The following SEZ6L variants were observed in gnomAD, a reference collection of about 807,000 sequenced individuals.
SEZ6L encodes seizure related 6 homolog like.
A neutral mutation model predicts 106.2 loss-of-function variants in SEZ6L; 37 were observed. That is an observed-to-expected ratio of 0.35 (90% CI 0.27 to 0.46). The LOEUF (loss-of-function observed/expected upper bound fraction) is 0.46. Among genes scored for constraint, SEZ6L ranks in the 20% least tolerant of loss-of-function variants. The pLI is 1.00. For synonymous variants in SEZ6L, 541 were observed against 570.4 expected, an observed-to-expected ratio of 0.95 and a Z score of 0.73; for missense variants, 1,172 against 1,332.8, an observed-to-expected ratio of 0.88 and a Z score of 1.88.
chr22:26,269,349 G>A (rs544486390), intron 1 of SEZ6L, among the ~76,000 whole-genome samples: 2 of 152,164 alleles, frequency 1.3e-5, no homozygotes, highest in African/African-American at 2.4e-5. Context: ...GTAGGAGAAG[G>A]CTTCCTCAGA....
chr22:26,239,371 T>A (rs148805550), intron 1 of SEZ6L, among the ~76,000 whole-genome samples: 1 of 152,362 alleles, frequency 6.6e-6, no homozygotes, highest in Non-Finnish European at 1.5e-5. Context: ...CAGCAAGTTC[T>A]TTGGAAGCCT....
intron 16 of SEZ6L, 125 bp downstream of exon 16, chr22:26,377,900 C>A (rs2084283801): frequency 2.8e-6 from 2 of 719,428 alleles, no homozygotes; most frequent in East Asian, 2.8e-5. Flanking sequence ...CTGTCTTATC[C>A]CCACCAAGAG....
chr22:26,236,008 C>T (rs2078947460), intron 1 of SEZ6L, among the ~76,000 whole-genome samples: 1 of 152,392 alleles, frequency 6.6e-6, no homozygotes, highest in Non-Finnish European at 1.5e-5. Flanking sequence ...TGGCCTTGGC[C>T]TGGCCTTGGC....
intron 14 of SEZ6L, 81 bp from the exon 15 acceptor site, chr22:26,375,494 G>A: frequency 1.8e-6 from 2 of 1,114,776 alleles, no homozygotes; most frequent in South Asian, 2.5e-5. Context: ...CGTCTCCAAA[G>A]GGGTGGAGAA....
intron 5 of SEZ6L, among the ~76,000 whole-genome samples, chr22:26,301,664 G>A (rs1421776481): frequency 6.6e-6 from 1 of 151,994 alleles, no homozygotes; most frequent in South Asian, 2.1e-4. Flanking sequence ...CGAAGGGTCA[G>A]GGAAGGATTA....
chr22:26,297,001 A>T lies in SEZ6L; in HGVS notation c.1083A>T (p.Arg361=). The change falls in exon 4 of 17, where the codon CGA becomes CGT. Residue 361 remains arginine, a synonymous_variant. Coordinates refer to ENST00000248933, the MANE Select transcript of SEZ6L (RefSeq NM_021115.5). ...TCCTGGTGGAGGGGCAGGTAATCCG[A>T]AGCCCCACCAACACCATCTCCGTCT... is the stretch of plus-strand genomic sequence containing the variant. ...QTLLVEGQVI[R]SPTNTISVYF... 6.2e-7 allele frequency: 1 copy of T among 1,614,110 alleles called. No homozygotes were observed. Among genetic ancestry groups the T allele is most frequent in the South Asian group, 1.1e-5 (1 of 91,068 alleles).
intron 1 of SEZ6L, among the ~76,000 whole-genome samples, chr22:26,245,276 C>G (rs2079295947): frequency 6.6e-6 from 1 of 152,120 alleles, no homozygotes; most frequent in Non-Finnish European, 1.5e-5. Flanking sequence ...GACCTTGAAG[C>G]CAGCATCCCC....
At position 26,169,710 on chromosome 22, in the gene SEZ6L, T is replaced by A. The variant is rs1938440788; in HGVS notation, c.41T>A (p.Ile14Asn). ...ARPPAAGLRG[I>N]SLFLALLLGS... ...CCGCCCGCCGCGGGACTCCGCGGGA[T>A]CTCGCTGTTCCTCGCTCTGCTCCTG... Residue 14 changes from isoleucine to asparagine, a missense_variant, in exon 1 of 17, where the codon ATC (isoleucine) becomes AAC (asparagine). Physicochemically the swap from Ile to Asn is moderately radical, Grantham distance 149. Around this residue, in one of 4 missense-constraint regions of SEZ6L, gnomAD observed 494 missense variants for 445.8 expected, o/e 1.11. Transcript: ENST00000248933. The A allele has an allele frequency of 7.6e-7, 1 of 1,307,530 alleles. No individual in the cohort carries two copies. 81.0% of individuals were successfully genotyped at this position (1,307,530 alleles called of 1,614,324 possible).
chr22:26,363,533 T>C (rs2083704843), intron 12 of SEZ6L, among the ~76,000 whole-genome samples: 1 of 152,224 alleles, frequency 6.6e-6, no homozygotes, highest in Non-Finnish European at 1.5e-5. Flanking sequence ...CCAGAAAAGA[T>C]TCTGAAGTTA....
intron 13 of SEZ6L, among the ~76,000 whole-genome samples, chr22:26,367,728 G>C (rs1306727872): frequency 6.6e-6 from 1 of 152,130 alleles, no homozygotes; most frequent in African/African-American, 2.4e-5. Context: ...TGGGTTAGGA[G>C]TGTTCCTCCA....
intron 9 of SEZ6L, among the ~76,000 whole-genome samples, chr22:26,323,476 T>C (rs1303239384): frequency 6.6e-6 from 1 of 151,982 alleles, no homozygotes; most frequent in Non-Finnish European, 1.5e-5. Flanking sequence ...CTACAAATAA[T>C]TTAAAAATTA....
intron 10 of SEZ6L, among the ~76,000 whole-genome samples, chr22:26,344,856 A>C (rs746356178): frequency 9.2e-5 from 14 of 152,342 alleles, no homozygotes; most frequent in African/African-American, 2.6e-4. Flanking sequence ...AATGAGAACA[A>C]TGAGGCTTAG....
chr22:26,361,514 A>AT (rs1306768547), intron 12 of SEZ6L, among the ~76,000 whole-genome samples: 1 of 136,628 alleles, frequency 7.3e-6, no homozygotes, highest in Non-Finnish European at 1.5e-5. Flanking sequence ...CTCAAAAAAA[A>AT]AAAAAAATAT....
chr22:26,328,268 C>T (rs149100324), intron 9 of SEZ6L, among the ~76,000 whole-genome samples: 5 of 152,314 alleles, frequency 3.3e-5, no homozygotes, highest in African/African-American at 4.8e-5. Context: ...GTTGCCACGC[C>T]GCCCTTGCCC....
At chr22:26,180,121 C>T (rs1939291825) in intron 1 of SEZ6L, among the ~76,000 whole-genome samples, 1 of 152,212 alleles carries the variant, frequency 6.6e-6, no homozygotes, top group Admixed American at 6.5e-5. Context: ...TCATCTCTAA[C>T]TGGTATGGGA....
At chr22:26,257,706 T>C (rs2145810131) in intron 1 of SEZ6L, among the ~76,000 whole-genome samples, 1 of 152,268 alleles carries the variant, frequency 6.6e-6, no homozygotes, top group South Asian at 2.1e-4. Flanking sequence ...ACAGAGGCTG[T>C]CCTATCTCCA....
At chr22:26,358,179 A>G (rs957324816) in intron 12 of SEZ6L, among the ~76,000 whole-genome samples, 1 of 152,212 alleles carries the variant, frequency 6.6e-6, no homozygotes, top group African/African-American at 2.4e-5. Context: ...TCTCTGGGAA[A>G]GCGGTCTCTC....
At position 26,370,430 on chromosome 22, in the gene SEZ6L, G is replaced by C. The variant is rs565458748; in HGVS notation, c.2795-3021G>C. Among the ~76,000 whole-genome samples, 12 of 152,148 alleles carry C rather than the reference G, an allele frequency of 7.9e-5. No homozygotes were observed. In the East Asian group the frequency reaches 2.3e-3, roughly 29 times the overall value. ...ACCCTAAATAAGAAAACCATGAAAA[G>C]GGCCACTTTGGCCTGGACAACGTGT... is the stretch of plus-strand genomic sequence containing the variant. On this transcript the variant is annotated intron_variant, in intron 13 of 16. Transcript: ENST00000248933.
chr22:26,207,325 A>G (rs1004556089), intron 1 of SEZ6L, among the ~76,000 whole-genome samples: 5 of 152,206 alleles, frequency 3.3e-5, no homozygotes, highest in African/African-American at 9.6e-5. Flanking sequence ...GGGAGACCTC[A>G]TATATTGGCT....
Sources: gnomAD v4.1 joint callset for allele counts (sites outside exome capture counted in the v4.1 genomes callset) on GRCh38, gnomAD v4.1.1 for gene constraint, gnomAD v4.1.1 regional missense constraint, MANE v1.5 for transcripts, NCBI Gene and HGNC (gene_info 2026-07-23, HGNC 2026-07-21) for gene names.